The following DPY19L4 variants were observed in gnomAD, a reference collection of about 807,000 sequenced individuals.
DPY19L4 encodes the protein dpy-19 like 4, also known as probable C-mannosyltransferase DPY19L4.
DPY19L4 carries 97 observed loss-of-function variants against 102.8 expected under a neutral mutation model. That is an observed-to-expected ratio of 0.94 (90% CI 0.80 to 1.12). The LOEUF (loss-of-function observed/expected upper bound fraction) is 1.12. Among genes scored for constraint, DPY19L4 ranks in the 50% most tolerant of loss-of-function variants. DPY19L4 has a pLI of 0.00. For missense variants in DPY19L4, 815 were observed against 850.4 expected (o/e 0.96, Z 0.52); for synonymous variants, 252 against 283.1 (o/e 0.89, Z 1.10).
chr8:94,723,875 T>C (rs1452611577), intron 1 of DPY19L4, among the ~76,000 whole-genome samples: 1 of 152,198 alleles, frequency 6.6e-6, no homozygotes, highest in Non-Finnish European at 1.5e-5. Flanking sequence ...TACATATTTG[T>C]ATGGTCCTTG....
Position 94,752,869 on chromosome 8 carries a change from G to T in DPY19L4, c.612-3167G>T, listed in dbSNP as rs188200988. On this transcript the variant is annotated intron_variant, in intron 6 of 18. Transcript: ENST00000414645. ...TTTAATAGAGACAGGGTTTCACCAT[G>T]TTAGCCAGGATGGTCTCGATTTCCT... Among the ~76,000 whole-genome samples, 898 of 151,834 alleles carry T rather than the reference G, an allele frequency of 5.9e-3. 6 individuals carry two copies. Among genetic ancestry groups the T allele is most frequent in the African/African-American group, 0.02 (841 of 41,470 alleles).
At chr8:94,762,679 T>G (rs1176920839) in intron 8 of DPY19L4, among the ~76,000 whole-genome samples, 1 of 152,012 alleles carries the variant, frequency 6.6e-6, no homozygotes, top group Non-Finnish European at 1.5e-5. Context: ...GCAGGAGGAT[T>G]GTTTGAGCCC....
chr8:94,748,630 G>C (rs1811784126), intron 6 of DPY19L4, among the ~76,000 whole-genome samples: 1 of 144,926 alleles, frequency 6.9e-6, no homozygotes. Flanking sequence ...CAATGATGAT[G>C]ATGATGACGA....
chr8:94,764,710 TATATATA>T (rs1456593089), intron 8 of DPY19L4, among the ~76,000 whole-genome samples: 1 of 73,886 alleles, frequency 1.4e-5, no homozygotes, highest in Non-Finnish European at 2.7e-5. Flanking sequence ...TATATATATA[TATATATA>T]TTTTTTTTTT....
chr8:94,775,184 CT>C lies in DPY19L4; in HGVS notation c.1455-2470del, dbSNP rs34816783. 7.4e-3 allele frequency among the ~76,000 whole-genome samples: 1,087 copies of C among 147,140 alleles called. 10 individuals carry two copies. Among genetic ancestry groups the C allele is most frequent in the African/African-American group, 0.024 (947 of 40,192 alleles). On this transcript the variant is annotated intron_variant, in intron 13 of 18. Transcript: ENST00000414645. Reference sequence around the variant, plus strand: ...AGCTGCAAACAAGAGCAGAGCTTTCCTTTTTTTTTTTTGAGACAGGGTCCTG... The same window carrying C: ...AGCTGCAAACAAGAGCAGAGCTTTCCTTTTTTTTTTTGAGACAGGGTCCTG...
chr8:94,723,791 C>T (rs1044000062), intron 1 of DPY19L4, among the ~76,000 whole-genome samples: 1 of 151,808 alleles, frequency 6.6e-6, no homozygotes, highest in Non-Finnish European at 1.5e-5. Context: ...CCTTGAAAAA[C>T]CTATTAAGTA....
At chr8:94,770,991 T>C (rs1812908405) in intron 13 of DPY19L4, among the ~76,000 whole-genome samples, 1 of 151,926 alleles carries the variant, frequency 6.6e-6, no homozygotes. Context: ...CTCAGCTCAC[T>C]TCAACCTCCG....
intron 18 of DPY19L4, among the ~76,000 whole-genome samples, chr8:94,789,480 A>G (rs1813801281): frequency 6.6e-6 from 1 of 152,174 alleles, no homozygotes; most frequent in African/African-American, 2.4e-5. Context: ...TTATGGAAAC[A>G]CTGCCTTCTA....
At position 94,734,638 on chromosome 8, in the gene DPY19L4, T is replaced by C. The variant is rs1811115814; in HGVS notation, c.136T>C (p.Phe46Leu). Residue 46 changes from phenylalanine to leucine, a missense_variant, in exon 3 of 19, where the codon TTT becomes CTT. Physicochemically the swap from Phe to Leu is conservative, Grantham distance 22. Coordinates refer to ENST00000414645, the MANE Select transcript of DPY19L4 (RefSeq NM_181787.3). ...IPERAPKHVLFQRFAKIFIGC... is the reference protein window; with the variant it reads ...IPERAPKHVLLQRFAKIFIGC... ...TTAATATACTTTTTCAGATGTATTATTTCAACGCTTTGCAAAGATTTTCAT... is the reference window on the plus strand; with the variant it reads ...TTAATATACTTTTTCAGATGTATTACTTCAACGCTTTGCAAAGATTTTCAT... 6.2e-7 allele frequency: 1 copy of C among 1,613,252 alleles called. No homozygotes were observed.
Position 94,790,431 on chromosome 8 carries a change from T to G in DPY19L4, c.*521T>G, listed in dbSNP as rs958085193. ...GTGGCATTTAAATTAAAATGGAAATTATATAAAGGAAAGTGATTTTTAAGG... is the reference window on the plus strand; with the variant it reads ...GTGGCATTTAAATTAAAATGGAAATGATATAAAGGAAAGTGATTTTTAAGG... On this transcript the variant is annotated 3_prime_UTR_variant, in exon 19 of 19. Transcript: ENST00000414645. 6.6e-6 allele frequency: 1 copy of G among 152,506 alleles called. No individual in the cohort carries two copies. Among genetic ancestry groups the G allele is most frequent in the Non-Finnish European group, 1.5e-5 (1 of 67,954 alleles). The allele number at this position is 152,506 out of a possible 1,614,324, so 9.4% of individuals were successfully genotyped here.
chr8:94,758,735 A>ATT (rs141349330), intron 7 of DPY19L4, among the ~76,000 whole-genome samples: 106 of 145,480 alleles, frequency 7.3e-4, no homozygotes, highest in African/African-American at 1.7e-3. Flanking sequence ...TATTTTAGCA[A>ATT]TTTTTTTTTT....
intron 12 of DPY19L4, among the ~76,000 whole-genome samples, chr8:94,768,995 G>C (rs1368969690): frequency 9.5e-5 from 14 of 147,308 alleles, no homozygotes; most frequent in African/African-American, 3.6e-4. Context: ...GGGCGACAGA[G>C]TGAGACTCCC....
At position 94,792,382 on chromosome 8, in the gene DPY19L4, G is replaced by C. The variant is rs1336129351; in HGVS notation, c.*2472G>C. On this transcript the variant is annotated 3_prime_UTR_variant, in exon 19 of 19. Transcript: ENST00000414645. ...CCTGCCTCAGCCTCCGGAGTAGCTG[G>C]GATTACAGGCACCTGCCACCAAGCA... 6.6e-6 allele frequency: 1 copy of C among 151,884 alleles called. No homozygotes were observed. The highest frequency in any genetic ancestry group is 2.4e-5 in the African/African-American group (1 of 41,384). The allele number at this position is 151,884 out of a possible 1,614,324, so 9.4% of individuals were successfully genotyped here. A position where few individuals can be genotyped will look rare whatever the true frequency, so the allele number is the denominator to read the frequency against.
chr8:94,765,694 T>C lies in DPY19L4; in HGVS notation c.1003-17T>C. 1.3e-6 allele frequency: 2 copies of C among 1,543,354 alleles called. No homozygotes were observed. Among genetic ancestry groups the C allele is most frequent in the Non-Finnish European group, 1.8e-6 (2 of 1,129,112 alleles). ...TTAACACCTCACTTCTTTGTTCATATGATTTTTCCTCCACAGCTGAATGTG... is the reference window on the plus strand; with the variant it reads ...TTAACACCTCACTTCTTTGTTCATACGATTTTTCCTCCACAGCTGAATGTG... On this transcript the variant is annotated splice_polypyrimidine_tract_variant and intron_variant, in intron 9 of 18. Transcript: ENST00000414645.
intron 7 of DPY19L4, among the ~76,000 whole-genome samples, chr8:94,758,456 A>G (rs1419801071): frequency 6.6e-6 from 1 of 152,198 alleles, no homozygotes; most frequent in Non-Finnish European, 1.5e-5. Context: ...AACTGTCATC[A>G]TAATCAAGAC....
chr8:94,763,932 C>A (rs1227214251), intron 8 of DPY19L4, among the ~76,000 whole-genome samples: 1 of 152,130 alleles, frequency 6.6e-6, no homozygotes, highest in African/African-American at 2.4e-5. Context: ...CCTCTGCCTC[C>A]CAGCGTGCTG....
chr8:94,780,927 G>A (rs1213862518), intron 15 of DPY19L4, among the ~76,000 whole-genome samples, 157 bp from the exon 16 acceptor site: 1 of 152,068 alleles, frequency 6.6e-6, no homozygotes, highest in East Asian at 1.9e-4. Flanking sequence ...AAAGCAAAGA[G>A]ATCCATCATG....
intron 2 of DPY19L4, among the ~76,000 whole-genome samples, chr8:94,731,055 CAA>C (rs57246749): frequency 0.029 from 3,016 of 103,268 alleles, 92 homozygotes; most frequent in African/African-American, 0.094. Context: ...AACTCTGTCT[CAA>C]AAAAAAAAAA....
At chr8:94,752,699 C>CT (rs1357893031) in intron 6 of DPY19L4, among the ~76,000 whole-genome samples, 1 of 142,112 alleles carries the variant, frequency 7.0e-6, no homozygotes, top group African/African-American at 2.6e-5. Flanking sequence ...GAGTCTCGCT[C>CT]TGTCACCCAG....
Sources: gnomAD v4.1 joint callset for allele counts (sites outside exome capture counted in the v4.1 genomes callset) on GRCh38, gnomAD v4.1.1 for gene constraint, MANE v1.5 for transcripts, NCBI Gene and HGNC (gene_info 2026-07-23, HGNC 2026-07-21) for gene names.